MBD5: variants seen among roughly 807,000 people sequenced by gnomAD.
The protein encoded by MBD5 is methyl-CpG binding domain protein 5, also known as methyl-CpG-binding domain protein 5.
In MBD5, 13 loss-of-function variants were observed where a neutral mutation model predicts 117.3. The ratio of observed to expected loss-of-function variants is 0.11; its 90% confidence interval spans 0.07 to 0.18. The LOEUF is 0.18. MBD5 is among the 10% of genes least tolerant of loss of function. MBD5 has a pLI of 1.00. For synonymous variants in MBD5, 727 were observed against 766.4 expected (o/e 0.95, Z 0.85); for missense variants, 1,879 against 2,093.8 (o/e 0.90, Z 2.00).
intron 3 of MBD5, among the ~76,000 whole-genome samples, chr2:148,318,496 G>T (rs1702207945): frequency 1.3e-5 from 2 of 151,294 alleles, no homozygotes; most frequent in East Asian, 3.9e-4. Flanking sequence ...TCTTTTTCTG[G>T]CATTTGTCTT....
At chr2:148,321,804 T>C (rs1276173491) in intron 3 of MBD5, among the ~76,000 whole-genome samples, 1 of 152,100 alleles carries the variant, frequency 6.6e-6, no homozygotes, top group Non-Finnish European at 1.5e-5. Context: ...CCCAGGCTGG[T>C]CTTGAACTCC....
At chr2:148,081,746 G>A in intron 1 of MBD5, among the ~76,000 whole-genome samples, 1 of 152,106 alleles carries the variant, frequency 6.6e-6, no homozygotes, top group East Asian at 1.9e-4. Context: ...ATGGCTCTGT[G>A]CATGCTTAAG....
chr2:148,275,414 T>A (rs1559001144), intron 3 of MBD5, among the ~76,000 whole-genome samples: 1 of 152,172 alleles, frequency 6.6e-6, no homozygotes, highest in African/African-American at 2.4e-5. Flanking sequence ...GAGGGATTTA[T>A]TTTAAGGAAT....
In MBD5 at chr2:148,513,200, A is replaced by G. The variant is rs949636638; in HGVS notation, c.*259A>G. 2.2e-6 allele frequency: 1 copy of G among 461,660 alleles called. No individual in the cohort carries two copies. The highest frequency in any genetic ancestry group is 3.9e-6 in the Non-Finnish European group (1 of 254,958). The allele number at this position is 461,660 out of a possible 1,614,324, so 28.6% of individuals were successfully genotyped here. Reference sequence around the variant, plus strand: ...GAGATTACTGAGAAACTCTTTTTCTATAATACTAAATTGTGATTATAAGAA... The same window carrying G: ...GAGATTACTGAGAAACTCTTTTTCTGTAATACTAAATTGTGATTATAAGAA... On this transcript the variant is annotated 3_prime_UTR_variant, in exon 14 of 14. Coordinates refer to ENST00000642680, the MANE Select transcript of MBD5 (RefSeq NM_001378120.1).
chr2:148,478,625 C>G (rs1681047869), intron 8 of MBD5, among the ~76,000 whole-genome samples: 1 of 152,160 alleles, frequency 6.6e-6, no homozygotes, highest in African/African-American at 2.4e-5. Flanking sequence ...TTGGACTAGA[C>G]TGTCTTAATC....
chr2:148,272,661 T>C (rs761072002), intron 3 of MBD5, among the ~76,000 whole-genome samples: 15 of 152,184 alleles, frequency 9.9e-5, no homozygotes, highest in Admixed American at 2.6e-4. Flanking sequence ...GTTCTTTGTG[T>C]TCTGTATATA....
At chr2:148,462,863 A>C (rs1464014161) in intron 6 of MBD5, among the ~76,000 whole-genome samples, 179 bp downstream of exon 6, 2 of 152,172 alleles carry the variant, frequency 1.3e-5, no homozygotes, top group African/African-American at 4.8e-5. Context: ...AAAATAATTC[A>C]TGTCTAAGAG....
At chr2:148,425,474 C>T (rs1355321424) in intron 4 of MBD5, among the ~76,000 whole-genome samples, 2 of 152,160 alleles carry the variant, frequency 1.3e-5, no homozygotes, top group Non-Finnish European at 2.9e-5. Flanking sequence ...GGAGGTGACA[C>T]CATTCTTTCT....
At chr2:148,288,061 T>A (rs1701404449) in intron 3 of MBD5, among the ~76,000 whole-genome samples, 1 of 151,828 alleles carries the variant, frequency 6.6e-6, no homozygotes, top group Admixed American at 6.6e-5. Flanking sequence ...TGAAAGTGTG[T>A]GTTATGTTGG....
At chr2:148,295,299 T>A (rs972898355) in intron 3 of MBD5, among the ~76,000 whole-genome samples, 1 of 152,226 alleles carries the variant, frequency 6.6e-6, no homozygotes, top group African/African-American at 2.4e-5. Flanking sequence ...ACTGATTCTT[T>A]ATTCTGCCAA....
chr2:148,246,820 A>G (rs1164088100), intron 3 of MBD5, among the ~76,000 whole-genome samples: 1 of 151,626 alleles, frequency 6.6e-6, no homozygotes, highest in African/African-American at 2.4e-5. Flanking sequence ...CTGTTTCTAA[A>G]TGTTTTTTTA....
At chr2:148,212,319 G>C (rs1280621051) in intron 2 of MBD5, among the ~76,000 whole-genome samples, 1 of 152,156 alleles carries the variant, frequency 6.6e-6, no homozygotes, top group African/African-American at 2.4e-5. Context: ...TTTCATTTAA[G>C]TGGAATCATA....
Position 148,311,101 on chromosome 2 carries a change from G to T in MBD5, c.-679-31113G>T, listed in dbSNP as rs1300357729. Among the ~76,000 whole-genome samples, 3 of 152,180 alleles carry T rather than the reference G, an allele frequency of 2.0e-5. No individual in the cohort carries two copies. The East Asian group carries it at 5.8e-4, about 29-fold the overall frequency. Reference sequence around the variant, plus strand: ...AATTCTAGAATAAGTGCTATGTGATGCTGAGAAGAATGTGTATTCTGTTGA... The same window carrying T: ...AATTCTAGAATAAGTGCTATGTGATTCTGAGAAGAATGTGTATTCTGTTGA... On this transcript the variant is annotated intron_variant, in intron 3 of 13. Transcript: ENST00000642680.
intron 3 of MBD5, among the ~76,000 whole-genome samples, chr2:148,326,106 T>C (rs1024953410): frequency 5.9e-5 from 9 of 152,208 alleles, no homozygotes; most frequent in Non-Finnish European, 1.5e-5. Flanking sequence ...CAGTAGTCAT[T>C]CAGGAGCAGG....
chr2:148,091,428 C>G (rs1366471532), intron 1 of MBD5, among the ~76,000 whole-genome samples: 1 of 152,044 alleles, frequency 6.6e-6, no homozygotes, highest in Non-Finnish European at 1.5e-5. Flanking sequence ...CTATAGTTAC[C>G]AAAACAGCAT....
chr2:148,079,103 C>T (rs1438422598), intron 1 of MBD5, among the ~76,000 whole-genome samples: 1 of 152,102 alleles, frequency 6.6e-6, no homozygotes, highest in Admixed American at 6.5e-5. Flanking sequence ...AATGTATTTC[C>T]AGGTCAAAAA....
intron 1 of MBD5, among the ~76,000 whole-genome samples, chr2:148,089,705 A>T (rs1695886930): frequency 6.6e-6 from 1 of 152,118 alleles, no homozygotes; most frequent in African/African-American, 2.4e-5. Context: ...TGCTAAGAGG[A>T]AAGTTCATAG....
intron 2 of MBD5, among the ~76,000 whole-genome samples, chr2:148,201,783 C>G (rs900416883): frequency 2.6e-5 from 4 of 152,092 alleles, no homozygotes; most frequent in African/African-American, 9.7e-5. Context: ...CTCAGTGTGG[C>G]TGGATCTGAG....
At chr2:148,247,659 A>T (rs1392081057) in intron 3 of MBD5, among the ~76,000 whole-genome samples, 1 of 93,864 alleles carries the variant, frequency 1.1e-5, no homozygotes, top group Non-Finnish European at 2.5e-5. Context: ...GCCAACAATT[A>T]ACAGTCTTTT....
Sources: allele counts gnomAD v4.1 joint callset (sites outside exome capture counted in the v4.1 genomes callset), GRCh38; gene constraint gnomAD v4.1.1; transcripts MANE v1.5; gene names NCBI Gene and HGNC (gene_info 2026-07-23, HGNC 2026-07-21).